Variants in RELN observed in about 807,000 individuals in gnomAD.
The protein encoded by RELN is reelin.
In RELN, 108 loss-of-function variants were observed where a neutral mutation model predicts 427.6. That is an observed-to-expected ratio of 0.25 (90% CI 0.22 to 0.30). RELN has a LOEUF of 0.30. Among genes scored for constraint, RELN ranks in the 10% least tolerant of loss-of-function variants. RELN has a pLI of 1.00. For synonymous variants in RELN, 1,524 were observed against 1,513.4 expected, an observed-to-expected ratio of 1.01 and a Z score of -0.16; for missense variants, 3,715 against 4,302.8, an observed-to-expected ratio of 0.86 and a Z score of 3.82.
intron 5 of RELN, among the ~76,000 whole-genome samples, chr7:103,752,958 A>G (rs766618902): frequency 2.0e-5 from 3 of 152,154 alleles, no homozygotes; most frequent in Non-Finnish European, 1.5e-5. Flanking sequence ...GGGTACTAAC[A>G]GGTGTGAAAG....
At chr7:103,969,534 A>T (rs1258764310) in intron 1 of RELN, among the ~76,000 whole-genome samples, 1 of 152,180 alleles carries the variant, frequency 6.6e-6, no homozygotes, top group East Asian at 1.9e-4. Context: ...TAGGAGAAAA[A>T]TTTTCTATTA....
At chr7:103,967,465 C>G (rs1796682285) in intron 1 of RELN, among the ~76,000 whole-genome samples, 1 of 152,158 alleles carries the variant, frequency 6.6e-6, no homozygotes, top group Non-Finnish European at 1.5e-5. Flanking sequence ...AGTGAACCTA[C>G]CAGTCATCCC....
intron 24 of RELN, 61 bp from the exon 25 acceptor site, chr7:103,596,722 T>C (rs1034050063): frequency 1.2e-5 from 17 of 1,449,440 alleles, no homozygotes; most frequent in Admixed American, 1.7e-5. Context: ...ATTTTGTTGT[T>C]TCAGTTCCAA....
intron 11 of RELN, among the ~76,000 whole-genome samples, chr7:103,670,095 A>G (rs1318358422): frequency 6.6e-6 from 1 of 152,146 alleles, no homozygotes; most frequent in African/African-American, 2.4e-5. Flanking sequence ...AAATAATGTA[A>G]AGAGGTGTCT....
chr7:103,950,190 G>T (rs566972439), intron 1 of RELN, among the ~76,000 whole-genome samples: 2 of 152,154 alleles, frequency 1.3e-5, no homozygotes, highest in Admixed American at 6.5e-5. Flanking sequence ...CTTTCACGAA[G>T]GTTCCGCCCT....
At chr7:103,878,161 C>T in intron 2 of RELN, among the ~76,000 whole-genome samples, 1 of 152,028 alleles carries the variant, frequency 6.6e-6, no homozygotes, top group Admixed American at 6.6e-5. Context: ...CCAGCCTGGT[C>T]CCTCTTTTTA....
chr7:103,491,842 TCTCTCTCTCTCTCTCA>T (rs1236458163), intron 58 of RELN, 95 bp downstream of exon 58: 5 of 626,298 alleles, frequency 8.0e-6, no homozygotes, highest in Non-Finnish European at 1.4e-5. Flanking sequence ...TCTCTCTCTC[TCTCTCTCTCTCTCTCA>T]CACACACACA....
At chr7:103,899,499 T>C (rs1033688844) in intron 2 of RELN, among the ~76,000 whole-genome samples, 7 of 151,974 alleles carry the variant, frequency 4.6e-5, no homozygotes, top group African/African-American at 1.4e-4. Context: ...AAAAAGAAAA[T>C]TTCAGGCCAA....
At chr7:103,864,095 T>C (rs1350330450) in intron 2 of RELN, among the ~76,000 whole-genome samples, 3 of 152,156 alleles carry the variant, frequency 2.0e-5, no homozygotes, top group African/African-American at 4.8e-5. Flanking sequence ...GCTCTCTAGA[T>C]GGGCAGGTAG....
chr7:103,579,599 C>CAA (rs34750174), intron 28 of RELN, among the ~76,000 whole-genome samples: 19 of 64,786 alleles, frequency 2.9e-4, no homozygotes, highest in Non-Finnish European at 3.7e-4. Context: ...ACTCCATCTC[C>CAA]AAAAAAAAAA....
At chr7:103,804,762 T>C (rs1020046226) in intron 3 of RELN, among the ~76,000 whole-genome samples, 1 of 152,146 alleles carries the variant, frequency 6.6e-6, no homozygotes, top group Admixed American at 6.6e-5. Flanking sequence ...ATCTTAAATA[T>C]TAGTTGCAAA....
intron 2 of RELN, among the ~76,000 whole-genome samples, chr7:103,851,156 A>G (rs1793812412): frequency 6.6e-6 from 1 of 152,236 alleles, no homozygotes; most frequent in South Asian, 2.1e-4. Context: ...ATGCAGCCAT[A>G]ATAAGGAATG....
At chr7:103,530,189 C>A (rs1375929693) in intron 46 of RELN, among the ~76,000 whole-genome samples, 1 of 152,170 alleles carries the variant, frequency 6.6e-6, no homozygotes, top group Non-Finnish European at 1.5e-5. Flanking sequence ...CTCCAGCCAT[C>A]ACATGTAATC....
At chr7:103,508,063 G>T (rs1829274748) in intron 51 of RELN, among the ~76,000 whole-genome samples, 1 of 152,088 alleles carries the variant, frequency 6.6e-6, no homozygotes, top group African/African-American at 2.4e-5. Flanking sequence ...AACAAAAAAA[G>T]CCCAGGACCA....
At chr7:103,712,001 T>G (rs1789813521) in intron 8 of RELN, among the ~76,000 whole-genome samples, 1 of 152,050 alleles carries the variant, frequency 6.6e-6, no homozygotes, top group Admixed American at 6.6e-5. Flanking sequence ...AAGCCTACAT[T>G]GACCCTCATA....
intron 3 of RELN, among the ~76,000 whole-genome samples, chr7:103,816,103 G>T (rs1294664116): frequency 1.3e-5 from 2 of 152,188 alleles, no homozygotes; most frequent in Non-Finnish European, 2.9e-5. Flanking sequence ...CACTGGCCAG[G>T]TGCCATGGCT....
chr7:103,479,206 T>C (rs894635674), intron 63 of RELN, among the ~76,000 whole-genome samples: 1 of 152,150 alleles, frequency 6.6e-6, no homozygotes, highest in Non-Finnish European at 1.5e-5. Context: ...AGGATAGAAG[T>C]ATGAGTGCCC....
At chr7:103,634,158 T>A (rs929917433) in intron 19 of RELN, among the ~76,000 whole-genome samples, 1 of 152,144 alleles carries the variant, frequency 6.6e-6, no homozygotes, top group Non-Finnish European at 1.5e-5. Flanking sequence ...CTCAGTCCCC[T>A]CTCTCCTACT....
intron 16 of RELN, among the ~76,000 whole-genome samples, chr7:103,645,953 T>G (rs1052919606): frequency 6.6e-6 from 1 of 151,720 alleles, no homozygotes; most frequent in African/African-American, 2.4e-5. Flanking sequence ...GACAGTAGAA[T>G]AAAACTAGAA....
Sources: gnomAD v4.1 joint callset for allele counts (sites outside exome capture counted in the v4.1 genomes callset) on GRCh38, gnomAD v4.1.1 for gene constraint, MANE v1.5 for transcripts, NCBI Gene and HGNC (gene_info 2026-07-23, HGNC 2026-07-21) for gene names.